Variants in EYA2 observed in about 807,000 individuals in gnomAD.
EYA2 encodes the protein EYA transcriptional coactivator and phosphatase 2, also known as protein phosphatase EYA2.
Under a neutral mutation model 69.2 loss-of-function variants are expected in EYA2, and 31 were observed. The ratio of observed to expected loss-of-function variants is 0.45; its 90% CI spans 0.34 to 0.60. The LOEUF is 0.60. EYA2 is among the 20% of genes least tolerant of loss of function. The pLI is 0.02. For synonymous variants in EYA2, 257 were observed against 279.4 expected, an observed-to-expected ratio of 0.92 and a Z score of 0.80; for missense variants, 622 against 701.2, an observed-to-expected ratio of 0.89 and a Z score of 1.28.
chr20:46,966,222 C>G (rs1979771203), intron 1 of EYA2, among the ~76,000 whole-genome samples: 1 of 152,100 alleles, frequency 6.6e-6, no homozygotes, highest in African/African-American at 2.4e-5. Context: ...CCTGGGTTCA[C>G]GTGATCCTGC....
At chr20:47,005,564 A>AT in intron 4 of EYA2, among the ~76,000 whole-genome samples, 2 of 152,352 alleles carry the variant, frequency 1.3e-5, no homozygotes, top group South Asian at 4.1e-4. Context: ...AGAATCCCAT[A>AT]TTGGCCCTCA....
intron 9 of EYA2, among the ~76,000 whole-genome samples, chr20:47,127,709 G>A (rs572470386): frequency 2.0e-4 from 30 of 152,322 alleles, no homozygotes; most frequent in African/African-American, 7.2e-4. Flanking sequence ...TCAGAGCTGT[G>A]TCTGAAGCTG....
At position 47,172,706 on chromosome 20, in the gene EYA2, G is replaced by A. The variant is rs1279982222; in HGVS notation, c.1038-1G>A. The A allele has an allele frequency of 6.2e-7, 1 of 1,609,860 alleles. No individual in the cohort carries two copies. The highest frequency in any genetic ancestry group is 8.5e-7 in the Non-Finnish European group (1 of 1,178,142). On this transcript the variant is annotated splice_acceptor_variant, in intron 11 of 15. Transcript: ENST00000327619. LOFTEE classifies it high-confidence loss of function. ...CTGTCCCTCCCCTCCTCTCTCCGCAGCACATACAACTTCTCCGCTGACGGC... is the reference window on the plus strand; with the variant it reads ...CTGTCCCTCCCCTCCTCTCTCCGCAACACATACAACTTCTCCGCTGACGGC...
At chr20:47,112,295 C>G (rs2032767245) in intron 9 of EYA2, among the ~76,000 whole-genome samples, 1 of 152,032 alleles carries the variant, frequency 6.6e-6, no homozygotes, top group Non-Finnish European at 1.5e-5. Context: ...GTAATTATAA[C>G]CATGCAATTT....
At chr20:46,980,818 C>CT (rs1365784923) in intron 1 of EYA2, among the ~76,000 whole-genome samples, 1 of 152,192 alleles carries the variant, frequency 6.6e-6, no homozygotes, top group African/African-American at 2.4e-5. Context: ...ATGAGATCTA[C>CT]TTTTTTAGCT....
chr20:47,139,788 C>T (rs1393763573), intron 9 of EYA2, among the ~76,000 whole-genome samples: 1 of 152,048 alleles, frequency 6.6e-6, no homozygotes, highest in Non-Finnish European at 1.5e-5. Flanking sequence ...TTTTTTCCCC[C>T]CATTGTAGGC....
chr20:46,946,704 A>G (rs1317430362), intron 1 of EYA2, among the ~76,000 whole-genome samples: 1 of 150,436 alleles, frequency 6.6e-6, no homozygotes, highest in Non-Finnish European at 1.5e-5. Context: ...TATATAACTG[A>G]ATAAAACTTT....
At chr20:46,941,346 A>C (rs937676353) in intron 1 of EYA2, among the ~76,000 whole-genome samples, 2 of 152,224 alleles carry the variant, frequency 1.3e-5, no homozygotes, top group Non-Finnish European at 2.9e-5. Context: ...AGTCCACCGG[A>C]AGTAGAACGA....
chr20:46,906,605 A>C (rs977844993), intron 1 of EYA2, among the ~76,000 whole-genome samples: 7 of 152,248 alleles, frequency 4.6e-5, no homozygotes, highest in African/African-American at 1.4e-4. Context: ...GAAAGATTAT[A>C]GGCATTAACT....
At chr20:46,918,976 T>C (rs1220281971) in intron 1 of EYA2, among the ~76,000 whole-genome samples, 1 of 152,256 alleles carries the variant, frequency 6.6e-6, no homozygotes, top group Non-Finnish European at 1.5e-5. Flanking sequence ...ATGAGAGCTC[T>C]TGGGTGACCA....
chr20:46,957,473 G>C (rs1979197768), intron 1 of EYA2, among the ~76,000 whole-genome samples: 1 of 151,772 alleles, frequency 6.6e-6, no homozygotes, highest in African/African-American at 2.4e-5. Flanking sequence ...GGATTATCCA[G>C]GTTGGCCCCA....
chr20:47,158,758 G>A (rs937602057), intron 10 of EYA2, among the ~76,000 whole-genome samples: 1 of 151,896 alleles, frequency 6.6e-6, no homozygotes, highest in Non-Finnish European at 1.5e-5. Flanking sequence ...AAAGTGATAC[G>A]TTATGCCAGA....
chr20:47,076,233 GT>G (rs1327397776), intron 7 of EYA2, among the ~76,000 whole-genome samples: 3 of 152,170 alleles, frequency 2.0e-5, no homozygotes, highest in African/African-American at 7.2e-5. Context: ...GGGATTGCTG[GT>G]ATATATCCAA....
At chr20:47,003,592 C>CTGGT (rs1982511376) in intron 3 of EYA2, among the ~76,000 whole-genome samples, 1 of 152,208 alleles carries the variant, frequency 6.6e-6, no homozygotes, top group African/African-American at 2.4e-5. Context: ...ACGTAACCTC[C>CTGGT]TGGTTTTCAA....
intron 4 of EYA2, among the ~76,000 whole-genome samples, chr20:47,005,588 G>A (rs1371877405): frequency 6.6e-6 from 1 of 152,238 alleles, no homozygotes; most frequent in Non-Finnish European, 1.5e-5. Flanking sequence ...GCCCAAGTTG[G>A]GCCATGTGGC....
rs767756028 is a variant in EYA2, at chr20:47,173,509, T to TAAAAAAA, written c.1198+659_1198+665dup. 4.4e-3 allele frequency among the ~76,000 whole-genome samples: 365 copies of TAAAAAAA among 83,632 alleles called. 32 individuals carry two copies. Among genetic ancestry groups the TAAAAAAA allele is most frequent in the African/African-American group, 0.014 (316 of 22,188 alleles). 54.9% of individuals were successfully genotyped at this position (83,632 alleles called of 152,430 possible). ...GCCTGGGCAACAAAGTGAGACCCCG[T>TAAAAAAA]AAAAAAAAAAAAAAAAAAAAAAACG... On this transcript the variant is annotated intron_variant, in intron 12 of 15. Coordinates refer to ENST00000327619, the MANE Select transcript of EYA2 (RefSeq NM_005244.5).
chr20:47,091,670 A>G (rs146684353), intron 8 of EYA2, among the ~76,000 whole-genome samples: 3,030 of 151,806 alleles, frequency 0.02, 45 homozygotes, highest in Middle Eastern at 0.027. Context: ...AATTGAGCCC[A>G]GGAGGTAGAG....
chr20:46,979,124 C>T, intron 1 of EYA2, among the ~76,000 whole-genome samples: 1 of 152,220 alleles, frequency 6.6e-6, no homozygotes, highest in East Asian at 1.9e-4. Context: ...ATCTGACAGA[C>T]AGGGCCACCA....
chr20:47,074,277 C>G lies in EYA2; in HGVS notation c.603C>G (p.Thr201=). ...SICPSPLSTS[T]YVLQEASHNV... is the part of the protein sequence containing the mutation. ...GCCCTTCGCCCCTCTCCACGTCCAC[C>G]TACGTCCTCCAGGAGGCATCTCACA... The change falls in exon 7 of 16, where the codon ACC becomes ACG. Residue 201 remains threonine (T), a synonymous_variant. Coordinates refer to ENST00000327619, the MANE Select transcript of EYA2 (RefSeq NM_005244.5). 6.2e-7 allele frequency: 1 copy of G among 1,614,160 alleles called. No individual in the cohort carries two copies. Among genetic ancestry groups the G allele is most frequent in the Non-Finnish European group, 8.5e-7 (1 of 1,180,016 alleles).
Sources: gnomAD v4.1 joint callset for allele counts (sites outside exome capture counted in the v4.1 genomes callset) on GRCh38, gnomAD v4.1.1 for gene constraint, MANE v1.5 for transcripts, NCBI Gene and HGNC (gene_info 2026-07-23, HGNC 2026-07-21) for gene names.